Variants in TNRC6A observed in about 807,000 individuals in gnomAD.
TNRC6A encodes trinucleotide repeat-containing gene 6A protein.
Under a neutral mutation model 221.2 loss-of-function variants are expected in TNRC6A, and 44 were observed. The observed-to-expected ratio is 0.20, with a 90% CI of 0.16 to 0.26. The LOEUF (loss-of-function observed/expected upper bound fraction) is 0.26, where lower values mean the gene tolerates loss of function less well. Among genes scored for constraint, TNRC6A ranks in the 10% least tolerant of loss-of-function variants. The probability of loss-of-function intolerance (pLI) is 1.00; values close to 1 mark genes in which losing one functional copy is unlikely to be tolerated. For missense variants in TNRC6A, 2,199 were observed against 2,404.4 expected, an observed-to-expected ratio of 0.91 and a Z score of 1.79; for synonymous variants, 847 against 838.5, an observed-to-expected ratio of 1.01 and a Z score of -0.18.
At chr16:24,772,493 T>TAA (rs906592598) in intron 4 of TNRC6A, among the ~76,000 whole-genome samples, 1 of 142,732 alleles carries the variant, frequency 7.0e-6, no homozygotes. Context: ...AAACCCTGCC[T>TAA]AAAAAAAAAA....
In TNRC6A at chr16:24,790,102, C is replaced by T. The variant is rs1272908153; in HGVS notation, c.1460C>T (p.Thr487Ile). 20 of 1,614,086 alleles carry T rather than the reference C, an allele frequency of 1.2e-5. No homozygotes were observed. Among genetic ancestry groups the T allele is most frequent in the Non-Finnish European group, 1.5e-5 (18 of 1,180,040 alleles). ...AACACAGGGGCCTGGCGTGTGAGCACAATGAATCATCCTCAGATGCAGGCT... is the reference window on the plus strand; with the variant it reads ...AACACAGGGGCCTGGCGTGTGAGCATAATGAATCATCCTCAGATGCAGGCT... ...SSNTGAWRVSTMNHPQMQAPS... is the reference protein window; with the variant it reads ...SSNTGAWRVSIMNHPQMQAPS... The change falls in exon 6 of 25, where the codon ACA becomes ATA. Residue 487 changes from threonine to isoleucine, a missense_variant. Thr to Ile is a moderately conservative substitution (Grantham distance 89, BLOSUM62 -1). This residue lies in a region of TNRC6A where 1,405 missense variants were observed against 1,400.2 expected (regional missense o/e 1.00). Transcript: ENST00000395799.
chr16:24,755,957 T>C (rs2057241335), intron 3 of TNRC6A, among the ~76,000 whole-genome samples: 1 of 152,202 alleles, frequency 6.6e-6, no homozygotes, highest in South Asian at 2.1e-4. Flanking sequence ...ATTTTATTAT[T>C]TGACCCTCAT....
At chr16:24,722,097 C>A (rs370730445) in intron 2 of TNRC6A, among the ~76,000 whole-genome samples, 229 of 152,182 alleles carry the variant, frequency 1.5e-3, no homozygotes, top group African/African-American at 5.1e-3. Context: ...GCTACATGGG[C>A]ATATTTATTG....
At chr16:24,621,345 C>CTTTT (rs1265818474) in intron 1 of TNRC6A, among the ~76,000 whole-genome samples, 10 of 73,948 alleles carry the variant, frequency 1.4e-4, no homozygotes, top group African/African-American at 3.1e-4. Flanking sequence ...AGAATATGGT[C>CTTTT]TTTTTTTTTT....
At chr16:24,665,465 A>G (rs765273455) in intron 2 of TNRC6A, among the ~76,000 whole-genome samples, 37 of 152,248 alleles carry the variant, frequency 2.4e-4, no homozygotes, top group Non-Finnish European at 4.9e-4. Context: ...CTTTTAACTC[A>G]TTGGGTGAAT....
chr16:24,658,376 G>A (rs1207096524), intron 2 of TNRC6A, among the ~76,000 whole-genome samples: 1 of 151,916 alleles, frequency 6.6e-6, no homozygotes, highest in Non-Finnish European at 1.5e-5. Flanking sequence ...GTTTGTTTTT[G>A]AGGCAGAGTC....
At chr16:24,713,671 AAG>A (rs1445230663) in intron 2 of TNRC6A, among the ~76,000 whole-genome samples, 2 of 132,156 alleles carry the variant, frequency 1.5e-5, no homozygotes, top group Admixed American at 1.7e-4. Context: ...TTTTGAGACA[AAG>A]TCTCACTCTG....
chr16:24,693,503 G>A (rs571560790), intron 2 of TNRC6A, among the ~76,000 whole-genome samples: 2 of 152,146 alleles, frequency 1.3e-5, no homozygotes, highest in African/African-American at 4.8e-5. Flanking sequence ...CAGGAGAATC[G>A]CTTGAATCCG....
intron 2 of TNRC6A, among the ~76,000 whole-genome samples, chr16:24,722,516 ACCTCC>A (rs1188375428): frequency 2.6e-5 from 4 of 151,708 alleles, no homozygotes; most frequent in African/African-American, 9.7e-5. Context: ...GCTCACTGTA[ACCTCC>A]ACTCCCGGGT....
intron 2 of TNRC6A, among the ~76,000 whole-genome samples, chr16:24,706,137 G>T (rs1274413880): frequency 6.6e-6 from 1 of 152,110 alleles, no homozygotes; most frequent in Non-Finnish European, 1.5e-5. Context: ...GTAGGAAAAT[G>T]AAAGAAGAAA....
At chr16:24,678,905 C>T (rs576835954) in intron 2 of TNRC6A, among the ~76,000 whole-genome samples, 68 of 151,946 alleles carry the variant, frequency 4.5e-4, no homozygotes, top group Non-Finnish European at 9.1e-4. Context: ...TCTAATGACC[C>T]GAATTAACTT....
At chr16:24,818,497 G>A (rs961634629) in intron 20 of TNRC6A, 96 bp from the exon 21 acceptor site, 8 of 896,904 alleles carry the variant, frequency 8.9e-6, no homozygotes, top group African/African-American at 1.7e-5. Flanking sequence ...CTTTCTTGTG[G>A]CATACTGTTA....
intron 1 of TNRC6A, among the ~76,000 whole-genome samples, chr16:24,613,463 T>C (rs933704027): frequency 8.8e-5 from 2 of 22,800 alleles, no homozygotes; most frequent in Admixed American, 4.7e-4. Flanking sequence ...TATTTTATTT[T>C]ATTTTATTTT....
chr16:24,784,222 A>G (rs2057916836), intron 5 of TNRC6A, among the ~76,000 whole-genome samples: 1 of 152,274 alleles, frequency 6.6e-6, no homozygotes, highest in African/African-American at 2.4e-5. Flanking sequence ...GGCTGGCCCC[A>G]GGCTCTTGAC....
At chr16:24,663,646 A>T (rs953895773) in intron 2 of TNRC6A, 3 of 261,904 alleles carry the variant, frequency 1.1e-5, no homozygotes, top group African/African-American at 4.4e-5. Flanking sequence ...ACCCTCCTAG[A>T]TAGTCATATG....
intron 2 of TNRC6A, among the ~76,000 whole-genome samples, chr16:24,649,360 G>A (rs995073695): frequency 2.6e-5 from 4 of 152,068 alleles, no homozygotes; most frequent in Non-Finnish European, 5.9e-5. Flanking sequence ...CCAGGCTGGA[G>A]TGCAGTGGCA....
At chr16:24,739,458 T>C (rs2056844191) in intron 2 of TNRC6A, among the ~76,000 whole-genome samples, 1 of 150,150 alleles carries the variant, frequency 6.7e-6, no homozygotes. Context: ...TTTTTTCCTA[T>C]TTTGTGGCTT....
At chr16:24,632,193 C>A (rs1901382363) in intron 1 of TNRC6A, among the ~76,000 whole-genome samples, 1 of 152,152 alleles carries the variant, frequency 6.6e-6, no homozygotes, top group Middle Eastern at 3.2e-3. Context: ...ATATCATCTA[C>A]AAGCTGACAA....
chr16:24,753,798 A>AT (rs2057189529), intron 3 of TNRC6A, among the ~76,000 whole-genome samples: 1 of 152,176 alleles, frequency 6.6e-6, no homozygotes, highest in Admixed American at 6.5e-5. Context: ...ATATTTTCTT[A>AT]TTTTTGAAAA....
Sources: gnomAD v4.1 joint callset for allele counts (sites outside exome capture counted in the v4.1 genomes callset) on GRCh38, gnomAD v4.1.1 for gene constraint, gnomAD v4.1.1 regional missense constraint, MANE v1.5 for transcripts, NCBI Gene and HGNC (gene_info 2026-07-23, HGNC 2026-07-21) for gene names.